The following GHR variants were observed in gnomAD, a reference collection of about 807,000 sequenced individuals.
GHR encodes the protein growth hormone receptor, also known as GH receptor.
A neutral mutation model predicts 67.1 loss-of-function variants in GHR; 35 were observed. The ratio of observed to expected loss-of-function variants is 0.52; its 90% CI spans 0.40 to 0.69. The LOEUF (loss-of-function observed/expected upper bound fraction) is 0.69. Ranked by LOEUF, GHR falls within the 30% of genes least tolerant of loss-of-function variation. The probability of loss-of-function intolerance (pLI) is 0.00; values close to 1 mark genes in which losing one functional copy is unlikely to be tolerated. For missense variants in GHR, 792 were observed against 764.6 expected (o/e 1.04, Z -0.42); for synonymous variants, 272 against 269.1 (o/e 1.01, Z -0.10).
intron 1 of GHR, among the ~76,000 whole-genome samples, chr5:42,426,853 A>T (rs1742872917): frequency 6.6e-6 from 1 of 152,236 alleles, no homozygotes. Context: ...AGAGGTAATT[A>T]TCTGGTGCAT....
intron 2 of GHR, among the ~76,000 whole-genome samples, chr5:42,610,505 C>T (rs1752841533): frequency 6.6e-6 from 1 of 152,012 alleles, no homozygotes; most frequent in African/African-American, 2.4e-5. Flanking sequence ...GTTTGGCTGC[C>T]ATGTTAGCCT....
At chr5:42,519,076 T>A (rs1212678409) in intron 1 of GHR, among the ~76,000 whole-genome samples, 2 of 152,186 alleles carry the variant, frequency 1.3e-5, no homozygotes, top group African/African-American at 4.8e-5. Context: ...TGAAACCAGA[T>A]GCTGTCTCTC....
intron 3 of GHR, among the ~76,000 whole-genome samples, chr5:42,655,507 T>C (rs1408323761): frequency 6.6e-6 from 1 of 152,190 alleles, no homozygotes; most frequent in Non-Finnish European, 1.5e-5. Flanking sequence ...CCTCATTTTA[T>C]TCATTCATGT....
At chr5:42,656,198 T>C (rs1412016247) in intron 3 of GHR, among the ~76,000 whole-genome samples, 1 of 152,118 alleles carries the variant, frequency 6.6e-6, no homozygotes, top group African/African-American at 2.4e-5. Flanking sequence ...TCATAGCAAA[T>C]GCAACATGTG....
Position 42,689,158 on chromosome 5 carries a change from A to G in GHR, c.266+139A>G. The G allele has an allele frequency of 4.8e-6, 4 of 839,102 alleles. 1 individual carries two copies. In the South Asian group the frequency reaches 5.6e-5, roughly 12 times the overall value. The allele number at this position is 839,102 out of a possible 1,614,324, so 52.0% of individuals were successfully genotyped here. A position where few individuals can be genotyped will look rare whatever the true frequency, so the allele number is the denominator to read the frequency against. On this transcript the variant is annotated intron_variant, in intron 4 of 9. Transcript: ENST00000230882. ...GAATATTCATTCACTCATTTATTGA[A>G]AAAAATATTAATCAAGCCCATCCTA... is the stretch of plus-strand genomic sequence containing the variant.
chr5:42,437,144 A>G (rs910020206), intron 1 of GHR, among the ~76,000 whole-genome samples: 4 of 152,220 alleles, frequency 2.6e-5, no homozygotes, highest in Non-Finnish European at 5.9e-5. Flanking sequence ...TTTTCTTCCT[A>G]GAAGGAATAA....
At chr5:42,661,400 A>G (rs1440666141) in intron 3 of GHR, among the ~76,000 whole-genome samples, 2 of 152,198 alleles carry the variant, frequency 1.3e-5, no homozygotes, top group African/African-American at 2.4e-5. Context: ...TCTAACAGCT[A>G]ATCTCTTGGC....
At chr5:42,678,904 A>C (rs1263381530) in intron 3 of GHR, among the ~76,000 whole-genome samples, 1 of 150,592 alleles carries the variant, frequency 6.6e-6, no homozygotes, top group Non-Finnish European at 1.5e-5. Context: ...TCATATAAAT[A>C]AGTATGTGAG....
At chr5:42,547,533 T>C (rs1748795023) in intron 1 of GHR, among the ~76,000 whole-genome samples, 1 of 152,208 alleles carries the variant, frequency 6.6e-6, no homozygotes, top group Admixed American at 6.5e-5. Flanking sequence ...ATTTTATACC[T>C]TTTAGTTGAC....
At chr5:42,643,063 A>G (rs1353609868) in intron 3 of GHR, among the ~76,000 whole-genome samples, 2 of 152,190 alleles carry the variant, frequency 1.3e-5, no homozygotes, top group African/African-American at 4.8e-5. Context: ...AACTAAAGTC[A>G]TATTCACAGG....
intron 8 of GHR, among the ~76,000 whole-genome samples, chr5:42,717,571 A>G (rs1294117573): frequency 6.6e-6 from 1 of 152,200 alleles, no homozygotes; most frequent in African/African-American, 2.4e-5. Flanking sequence ...TATGAACTAT[A>G]TGGCTAACCT....
chr5:42,562,644 CTTTTTTTTT>C (rs1212633265), intron 1 of GHR, among the ~76,000 whole-genome samples: 3 of 77,724 alleles, frequency 3.9e-5, no homozygotes, highest in Non-Finnish European at 4.6e-5. Flanking sequence ...GTTATAGTTC[CTTTTTTTTT>C]TTTTTTTTTT....
intron 1 of GHR, chr5:42,465,521 T>C (rs1579748940): frequency 6.5e-7 from 1 of 1,535,338 alleles, no homozygotes; most frequent in Admixed American, 1.7e-5. Flanking sequence ...CACTGGATGA[T>C]GTTCTTCACC....
chr5:42,621,648 C>T (rs977683124), intron 2 of GHR, among the ~76,000 whole-genome samples: 1 of 152,284 alleles, frequency 6.6e-6, no homozygotes, highest in East Asian at 1.9e-4. Flanking sequence ...AATGTGGCTA[C>T]TGCAGATGTA....
chr5:42,526,430 G>T (rs1579871289), intron 1 of GHR, among the ~76,000 whole-genome samples: 1 of 152,212 alleles, frequency 6.6e-6, no homozygotes. Flanking sequence ...GAACCAGCAG[G>T]TGCTAATTTA....
chr5:42,696,914 G>A (rs1268936667), intron 5 of GHR, among the ~76,000 whole-genome samples: 1 of 152,196 alleles, frequency 6.6e-6, no homozygotes, highest in Non-Finnish European at 1.5e-5. Context: ...CAGCCTCCAT[G>A]CTCTTACTCT....
intron 3 of GHR, among the ~76,000 whole-genome samples, chr5:42,675,538 C>T (rs2112918256): frequency 6.6e-6 from 1 of 152,234 alleles, no homozygotes; most frequent in African/African-American, 2.4e-5. Flanking sequence ...AAACTAACTG[C>T]ACCAAGTAAA....
intron 5 of GHR, among the ~76,000 whole-genome samples, chr5:42,696,182 T>C (rs2111713521): frequency 6.6e-6 from 1 of 152,318 alleles, no homozygotes; most frequent in Middle Eastern, 3.4e-3. Flanking sequence ...GTCCTACTCA[T>C]TTACCTGGCT....
intron 1 of GHR, among the ~76,000 whole-genome samples, chr5:42,529,313 A>G (rs1044805723): frequency 2.0e-5 from 3 of 152,124 alleles, no homozygotes; most frequent in Admixed American, 6.6e-5. Flanking sequence ...GCCTGGCCAG[A>G]CATAACTTTT....
Sources: gnomAD v4.1 joint callset for allele counts (sites outside exome capture counted in the v4.1 genomes callset) on GRCh38, gnomAD v4.1.1 for gene constraint, MANE v1.5 for transcripts, NCBI Gene and HGNC (gene_info 2026-07-23, HGNC 2026-07-21) for gene names.